RIPOR2: variants seen among roughly 807,000 people sequenced by gnomAD.
RIPOR2 encodes the protein RHO family interacting cell polarization regulator 2, also known as rho family-interacting cell polarization regulator 2.
In RIPOR2, 39 loss-of-function variants were observed where a neutral mutation model predicts 114.5. That is an observed-to-expected ratio of 0.34 (90% CI 0.26 to 0.44). The LOEUF is 0.44. Ranked by LOEUF, RIPOR2 falls within the 20% of genes least tolerant of loss-of-function variation. The probability of loss-of-function intolerance (pLI) is 1.00; values close to 1 mark genes in which losing one functional copy is unlikely to be tolerated. For missense variants in RIPOR2, 1,007 were observed against 1,255.1 expected, an observed-to-expected ratio of 0.80 and a Z score of 2.99; for synonymous variants, 445 against 484.4, an observed-to-expected ratio of 0.92 and a Z score of 1.07.
chr6:24,850,039 T>C, intron 10 of RIPOR2, 89 bp from the exon 11 acceptor site: 1 of 1,097,074 alleles, frequency 9.1e-7, no homozygotes, highest in South Asian at 1.6e-5. Flanking sequence ...TGAGCTAGGT[T>C]GGTCATTTCT....
At chr6:24,936,024 T>G, upstream of RIPOR2, 1 of 655,290 alleles carries the variant, frequency 1.5e-6, no homozygotes, top group Non-Finnish European at 2.7e-6. Flanking sequence ...CTTCCGCATC[T>G]GCCCTGAAGA....
intron 1 of RIPOR2, among the ~76,000 whole-genome samples, chr6:25,036,839 G>T (rs1449586065): frequency 6.6e-6 from 1 of 152,182 alleles, no homozygotes; most frequent in African/African-American, 2.4e-5. Flanking sequence ...ACCCCTAGGG[G>T]CCAAGATCAG....
At position 25,005,736 on chromosome 6, in the gene RIPOR2, T is replaced by TAC. The variant is rs1473062786; in HGVS notation, c.76+36114_76+36115insGT. ...ATATATATATATATATATATATATATATATACATTTACCGATCAAAAGATA... is the reference window on the plus strand; with the variant it reads ...ATATATATATATATATATATATATATACATATACATTTACCGATCAAAAGATA... On this transcript the variant is annotated intron_variant, in intron 1 of 13. Transcript: ENST00000510784. 3.4e-3 allele frequency among the ~76,000 whole-genome samples: 336 copies of TAC among 100,234 alleles called. 18 individuals are homozygous for TAC. Among genetic ancestry groups the TAC allele is most frequent in the Non-Finnish European group, 3.9e-3 (181 of 46,194 alleles). The allele number at this position is 100,234 out of a possible 152,430, so 65.8% of individuals were successfully genotyped here. A position where few individuals can be genotyped will look rare whatever the true frequency, so the allele number is the denominator to read the frequency against.
rs571870275 is a variant in RIPOR2, at chr6:24,858,429, T to A, written c.715+2544A>T. 6.6e-6 allele frequency among the ~76,000 whole-genome samples: 1 copy of A among 152,308 alleles called. No homozygotes were observed. The highest frequency in any genetic ancestry group is 6.5e-5 in the Admixed American group (1 of 15,298). On this transcript the variant is annotated intron_variant, in intron 8 of 21. Coordinates refer to ENST00000643898, the MANE Select transcript of RIPOR2 (RefSeq NM_001286445.3). This position sits in a 1 kb window ranked among gnomAD's most constrained non-coding sequence, Gnocchi z 4.0. ...AGAGTATTGTGAAATAGTCTGTTTG[T>A]CAATATGTATGTTGGAAGTAGTTTT...
intron 1 of RIPOR2, among the ~76,000 whole-genome samples, chr6:25,036,065 G>C (rs565348624): frequency 6.6e-6 from 1 of 152,156 alleles, no homozygotes; most frequent in Admixed American, 6.5e-5. Context: ...CCACAGTCCA[G>C]GGCATCGTCT....
rs188229261 is a variant in RIPOR2, at chr6:24,900,090, T to A, written c.62-24273A>T. Among the ~76,000 whole-genome samples, 3 of 152,326 alleles carry A rather than the reference T, an allele frequency of 2.0e-5. No homozygotes were observed. In the East Asian group the frequency reaches 5.8e-4, roughly 29 times the overall value. On this transcript the variant is annotated intron_variant, in intron 1 of 21. Coordinates refer to ENST00000643898, the MANE Select transcript of RIPOR2 (RefSeq NM_001286445.3). ...TACGTGGACAGTCTCTGTTTCGAGT[T>A]GCTAAGCCAAAAGATCTGGCAGCCA...
intron 1 of RIPOR2, among the ~76,000 whole-genome samples, chr6:24,942,479 A>C (rs1772187478): frequency 6.6e-6 from 1 of 152,212 alleles, no homozygotes; most frequent in South Asian, 2.1e-4. Flanking sequence ...ATCCCTGAGG[A>C]ATCGCCACAC....
Position 24,865,227 on chromosome 6 carries a change from G to T in RIPOR2, c.651+74C>A, listed in dbSNP as rs73398453. 3,314 of 1,338,804 alleles carry T rather than the reference G, an allele frequency of 2.5e-3. 64 individuals are homozygous for T. In the African/African-American group the frequency reaches 0.043, roughly 17 times the overall value. The allele number at this position is 1,338,804 out of a possible 1,614,324, so 82.9% of individuals were successfully genotyped here. A position where few individuals can be genotyped will look rare whatever the true frequency, so the allele number is the denominator to read the frequency against. On this transcript the variant is annotated intron_variant, in intron 7 of 21. Transcript: ENST00000643898. The stretch of plus-strand genomic sequence containing the variant: ...GAGGTTGTGGGTTGCTGTTTGCCTT[G>T]TTCTTGGCAATTACCAACAATTCAC...
At chr6:24,906,065 CGGTATGGTCATT>C (rs1768956772) in intron 1 of RIPOR2, among the ~76,000 whole-genome samples, 1 of 152,296 alleles carries the variant, frequency 6.6e-6, no homozygotes, top group African/African-American at 2.4e-5. Context: ...GGTTGGTTTT[CGGTATGGTCATT>C]GGCCAACCTT....
intron 20 of RIPOR2, 128 bp downstream of exon 20, chr6:24,818,414 C>T (rs1256378754): frequency 1.0e-5 from 5 of 496,036 alleles, no homozygotes; most frequent in South Asian, 4.2e-5. Flanking sequence ...AACTAACATA[C>T]GGTGCAAAGA....
intron 1 of RIPOR2, among the ~76,000 whole-genome samples, chr6:24,961,927 T>A (rs1262396077): frequency 3.3e-5 from 5 of 152,198 alleles, no homozygotes; most frequent in Admixed American, 3.3e-4. Context: ...GCACCTCGCC[T>A]ATTCTAAGCA....
intron 1 of RIPOR2, among the ~76,000 whole-genome samples, chr6:24,882,144 G>A (rs566503767): frequency 1.3e-5 from 2 of 152,250 alleles, no homozygotes; most frequent in East Asian, 1.9e-4. Flanking sequence ...TAAAAGTGAC[G>A]GGGAAATGTT....
chr6:24,850,908 T>C (rs571663845), intron 9 of RIPOR2, among the ~76,000 whole-genome samples, 186 bp from the exon 10 acceptor site: 51 of 151,626 alleles, frequency 3.4e-4, no homozygotes, highest in African/African-American at 1.1e-3. Context: ...CTTTTTTTTT[T>C]TTTTTGAGTT....
rs34050235 is a variant in RIPOR2, at chr6:24,999,558, C to CTT, written c.76+42291_76+42292dup. Among the ~76,000 whole-genome samples, 190 of 137,700 alleles carry CTT rather than the reference C, an allele frequency of 1.4e-3. 1 individual carries two copies. The highest frequency in any genetic ancestry group is 2.9e-3 in the East Asian group (14 of 4,752). 90.3% of individuals were successfully genotyped at this position (137,700 alleles called of 152,430 possible). On this transcript the variant is annotated intron_variant, in intron 1 of 13. Transcript: ENST00000510784. ...TACTTTCACTATTTTCTGACTCATCCTTTTTTTTTTTTTTTGAGACAGAGT... is the reference window on the plus strand; with the variant it reads ...TACTTTCACTATTTTCTGACTCATCCTTTTTTTTTTTTTTTTTGAGACAGAGT...
intron 12 of RIPOR2, among the ~76,000 whole-genome samples, chr6:24,846,692 C>G (rs1034444492): frequency 7.2e-5 from 11 of 152,202 alleles, no homozygotes; most frequent in Non-Finnish European, 7.4e-5. Context: ...TCTGTTGACA[C>G]TCAAAGCTTC....
At chr6:24,833,579 T>G (rs1301107422) in intron 15 of RIPOR2, among the ~76,000 whole-genome samples, 2 of 152,202 alleles carry the variant, frequency 1.3e-5, no homozygotes, top group Non-Finnish European at 2.9e-5. Context: ...ACACCCTTCC[T>G]GTGAGTAAAT....
intron 1 of RIPOR2, among the ~76,000 whole-genome samples, chr6:24,914,359 CA>C (rs1306780755): frequency 6.6e-6 from 1 of 151,930 alleles, no homozygotes; most frequent in African/African-American, 2.4e-5. Flanking sequence ...CAAAACAAAA[CA>C]AAAAAGACCC....
intron 6 of RIPOR2, 76 bp from the exon 7 acceptor site, chr6:24,865,526 A>G: frequency 8.1e-7 from 1 of 1,230,056 alleles, no homozygotes; most frequent in Non-Finnish European, 1.1e-6. Flanking sequence ...TTACATGCTT[A>G]ATTTACTTTA....
intron 1 of RIPOR2, among the ~76,000 whole-genome samples, chr6:25,011,146 A>G (rs1420639374): frequency 6.6e-6 from 1 of 152,238 alleles, no homozygotes; most frequent in Non-Finnish European, 1.5e-5. Context: ...GAATTTGGCA[A>G]TGAGCAGTGG....
Sources: allele counts gnomAD v4.1 joint callset (sites outside exome capture counted in the v4.1 genomes callset), GRCh38; gene constraint gnomAD v4.1.1; non-coding constraint Gnocchi (gnomAD v3.1); transcripts MANE v1.5; gene names NCBI Gene and HGNC (gene_info 2026-07-23, HGNC 2026-07-21).